The following FAAH2 variants were observed in gnomAD, a reference collection of about 807,000 sequenced individuals.
The protein encoded by FAAH2 is fatty-acid amide hydrolase 2.
In FAAH2, 60 loss-of-function variants were observed where a neutral mutation model predicts 36.9. That is an observed-to-expected ratio of 1.63 (90% CI 1.32 to 2.02). The LOEUF is 2.02. Ranked by LOEUF, FAAH2 falls within the 30% of genes most tolerant of loss-of-function variation. The pLI is 0.00. For missense variants in FAAH2, 689 were observed against 397.5 expected (o/e 1.73, Z -6.23); for synonymous variants, 214 against 143.8 (o/e 1.49, Z -3.49).
At chrX:57,438,256 TATAG>T (rs2056459454) in intron 8 of FAAH2, among the ~76,000 whole-genome samples, 1 of 35 alleles carries the variant, frequency 0.029, no homozygotes, top group Admixed American at 0.12. Context: ...GATATAAGTA[TATAG>T]ATATAGATAT....
chrX:57,266,537 C>T, the FAAH2 span, among the ~76,000 whole-genome samples: 1 of 112,461 alleles, frequency 8.9e-6, no homozygotes, highest in Non-Finnish European at 1.9e-5. Context: ...TGCAGTAGGC[C>T]TCTCCTTGTT....
chrX:57,302,304 A>G (rs1013601164), intron 2 of FAAH2, among the ~76,000 whole-genome samples: 1 of 112,103 alleles, frequency 8.9e-6, no homozygotes, highest in Non-Finnish European at 1.9e-5. Context: ...GGAAAATAAT[A>G]TGGACCCTCA....
At chrX:57,153,210 G>T in the FAAH2 span, among the ~76,000 whole-genome samples, 1 of 111,790 alleles carries the variant, frequency 8.9e-6, no homozygotes, top group Non-Finnish European at 1.9e-5. Context: ...GTGTCTATTT[G>T]CATAGAATAT....
At chrX:57,391,167 A>T (rs777598890) in intron 7 of FAAH2, among the ~76,000 whole-genome samples, 1 of 110,148 alleles carries the variant, frequency 9.1e-6, no homozygotes, top group East Asian at 2.9e-4. Context: ...TCACTTTTTA[A>T]TGGGGTTTTT....
the FAAH2 span, among the ~76,000 whole-genome samples, chrX:57,217,189 G>T: frequency 6.9e-5 from 6 of 86,782 alleles, no homozygotes; most frequent in Non-Finnish European, 1.1e-4. Context: ...TCCTTTGTCA[G>T]ATGTATAGAT....
At chrX:57,410,184 C>G (rs1268288847) in intron 7 of FAAH2, among the ~76,000 whole-genome samples, 3 of 110,005 alleles carry the variant, frequency 2.7e-5, no homozygotes, top group African/African-American at 9.9e-5. Flanking sequence ...TTCTAATTTT[C>G]TAAATTGATT....
chrX:57,317,785 A>G lies in FAAH2; in HGVS notation c.412+7056A>G, dbSNP rs765691794. 3.6e-5 allele frequency among the ~76,000 whole-genome samples: 4 copies of G among 111,927 alleles called. No homozygotes were observed. The East Asian group carries it at 1.1e-3, about 31-fold the overall frequency. On this transcript the variant is annotated intron_variant, in intron 3 of 10. Transcript: ENST00000374900. ...TTGGAAGTAAAACACTCCTTAGCAA[A>G]TGCAAAATAATGGAAAATATAACCA... is the stretch of plus-strand genomic sequence containing the variant.
At chrX:57,223,488 C>A in the FAAH2 span, among the ~76,000 whole-genome samples, 1 of 111,549 alleles carries the variant, frequency 9.0e-6, no homozygotes, top group African/African-American at 3.3e-5. Context: ...TCTCTTGCAA[C>A]TTCTCTGCCC....
At chrX:57,382,696 C>A (rs1370722314) in intron 7 of FAAH2, among the ~76,000 whole-genome samples, 1 of 111,279 alleles carries the variant, frequency 9.0e-6, no homozygotes, top group African/African-American at 3.3e-5. Context: ...AGCCTAGCAA[C>A]CAAAAAAAGT....
chrX:57,390,311 A>G (rs779653267), intron 7 of FAAH2, among the ~76,000 whole-genome samples: 1 of 111,829 alleles, frequency 8.9e-6, no homozygotes, highest in South Asian at 3.7e-4. Flanking sequence ...GGAATTTCAC[A>G]GTCAAGTCTT....
chrX:57,260,985 T>G, the FAAH2 span, among the ~76,000 whole-genome samples: 4 of 111,853 alleles, frequency 3.6e-5, no homozygotes, highest in Non-Finnish European at 7.5e-5. Context: ...ACTATTTTAG[T>G]AGCTATGTAC....
chrX:57,194,324 T>C, the FAAH2 span, among the ~76,000 whole-genome samples: 10 of 111,619 alleles, frequency 9.0e-5, no homozygotes, highest in Middle Eastern at 0.019. Context: ...TTACTCATAG[T>C]ATCCAATCAT....
At chrX:57,375,816 A>G (rs2054660549) in intron 5 of FAAH2, among the ~76,000 whole-genome samples, 2 of 111,875 alleles carry the variant, frequency 1.8e-5, no homozygotes, top group African/African-American at 6.5e-5. Context: ...GCCCATCCAA[A>G]GCCATAAAGA....
chrX:57,359,130 C>T (rs1476076626), intron 5 of FAAH2, among the ~76,000 whole-genome samples: 1 of 110,622 alleles, frequency 9.0e-6, no homozygotes, highest in Non-Finnish European at 1.9e-5. Flanking sequence ...TACACTAGAT[C>T]TTATTTATTC....
intron 5 of FAAH2, among the ~76,000 whole-genome samples, chrX:57,359,258 T>C (rs1011689297): frequency 9.0e-6 from 1 of 111,513 alleles, no homozygotes; most frequent in Non-Finnish European, 1.9e-5. Flanking sequence ...TTCTTTAATG[T>C]AAATGCTTAC....
chrX:57,448,112 C>T (rs191792848), intron 9 of FAAH2, among the ~76,000 whole-genome samples: 113 of 111,386 alleles, frequency 1.0e-3, no homozygotes, highest in Non-Finnish European at 1.8e-3. Flanking sequence ...GCCTCAACTC[C>T]TAAGTTGCTG....
intron 3 of FAAH2, among the ~76,000 whole-genome samples, chrX:57,322,379 G>A (rs1304136302): frequency 8.9e-6 from 1 of 111,734 alleles, no homozygotes; most frequent in African/African-American, 3.3e-5. Flanking sequence ...TTGTTAGTTT[G>A]CTGGACTTCC....
intron 7 of FAAH2, among the ~76,000 whole-genome samples, chrX:57,418,083 C>A (rs1259641970): frequency 3.6e-5 from 4 of 111,409 alleles, no homozygotes; most frequent in African/African-American, 1.3e-4. Flanking sequence ...CTCCCCCCAC[C>A]ATGCCAGAGC....
At chrX:57,140,199 T>A in the FAAH2 span, among the ~76,000 whole-genome samples, 161 of 111,015 alleles carry the variant, frequency 1.5e-3, no homozygotes, top group African/African-American at 5.1e-3. Flanking sequence ...GTTTTATAAA[T>A]AAAATCAGTT....
Sources: gnomAD v4.1 joint callset for allele counts (sites outside exome capture counted in the v4.1 genomes callset) on GRCh38, gnomAD v4.1.1 for gene constraint, MANE v1.5 for transcripts, NCBI Gene and HGNC (gene_info 2026-07-23, HGNC 2026-07-21) for gene names.